The following LZIC variants were observed in gnomAD, a reference collection of about 807,000 sequenced individuals.
The protein encoded by LZIC is leucine zipper and CTNNBIP1 domain containing, also known as protein LZIC.
Under a neutral mutation model 25.4 loss-of-function variants are expected in LZIC, and 28 were observed. The ratio of observed to expected loss-of-function variants is 1.10; its 90% CI spans 0.82 to 1.51. The LOEUF is 1.51. Ranked by LOEUF, LZIC falls within the 40% of genes most tolerant of loss-of-function variation. The pLI, the probability that LZIC is intolerant of heterozygous loss-of-function variation, is 0.00. For missense variants in LZIC, 170 were observed against 211.1 expected (o/e 0.81, Z 1.21); for synonymous variants, 65 against 70.7 (o/e 0.92, Z 0.40).
rs932559508 is a variant in LZIC at position 9,928,441 on chromosome 1, T to C, written c.*1958A>G. ...ACACAAATGTTCACTGAAGCATTAT[T>C]CACAATAGCCAAAAGAAGGAAACAA... is the stretch of plus-strand genomic sequence containing the variant. On this transcript the variant is annotated 3_prime_UTR_variant, in exon 8 of 8. Transcript: ENST00000377223. Among the ~76,000 whole-genome samples the C allele has an allele frequency of 6.6e-6, 1 of 152,078 alleles. No individual in the cohort carries two copies. The highest frequency in any genetic ancestry group is 2.4e-5 in the African/African-American group (1 of 41,398).
intron 5 of LZIC, 64 bp downstream of exon 5, chr1:9,934,698 C>A: frequency 7.2e-7 from 1 of 1,385,516 alleles, no homozygotes; most frequent in South Asian, 1.2e-5. Context: ...CATAGGATAT[C>A]ATAATGAATT....
At chr1:9,930,601 T>TG in intron 7 of LZIC, 144 bp from the exon 8 acceptor site, 3 of 1,112,662 alleles carry the variant, frequency 2.7e-6, no homozygotes, top group South Asian at 1.7e-5. Flanking sequence ...CCCCTACACG[T>TG]TCCCATTGCC....
In LZIC at chr1:9,926,744, A is replaced by G. The variant is rs978210374; in HGVS notation, c.*3655T>C. ...CCTTTCACCAAAATATTAGCCTGAC[A>G]CAAGAATGTTGAAAGGTTAGCTGCC... On this transcript the variant is annotated 3_prime_UTR_variant, in exon 8 of 8. Transcript: ENST00000377223. 6.6e-6 allele frequency among the ~76,000 whole-genome samples: 1 copy of G among 152,202 alleles called. No homozygotes were observed. The highest frequency in any genetic ancestry group is 1.5e-5 in the Non-Finnish European group (1 of 68,040).
intron 7 of LZIC, among the ~76,000 whole-genome samples, chr1:9,931,233 A>AT (rs554286240): frequency 4.0e-5 from 6 of 150,866 alleles, no homozygotes; most frequent in Admixed American, 2.6e-4. Context: ...CACCTAGCTA[A>AT]TTTTTTTTCT....
chr1:9,943,055 A>G (rs1557449769), intron 1 of LZIC, 194 bp downstream of exon 1: 2 of 279,236 alleles, frequency 7.2e-6, no homozygotes, highest in Non-Finnish European at 1.5e-5. Context: ...CTCTTCCTTG[A>G]AAGTGAGGAG....
rs887604354 is a variant in LZIC, at chr1:9,927,602, T to C, written c.*2797A>G. On this transcript the variant is annotated 3_prime_UTR_variant, in exon 8 of 8. Coordinates refer to ENST00000377223, the MANE Select transcript of LZIC (RefSeq NM_032368.5). Reference sequence around the variant, plus strand: ...ATGCGTGAGCCACTGTGCCAGGCATTAGGTCCCTTTCAAATTCAAGATATT... The same window carrying C: ...ATGCGTGAGCCACTGTGCCAGGCATCAGGTCCCTTTCAAATTCAAGATATT... 4.6e-5 allele frequency among the ~76,000 whole-genome samples: 7 copies of C among 151,490 alleles called. No homozygotes were observed. The highest frequency in any genetic ancestry group is 1.7e-4 in the African/African-American group (7 of 41,236).
rs929231386 is a variant in LZIC, at chr1:9,934,752, G to C, written c.336+10C>G. The C allele has an allele frequency of 1.2e-6, 2 of 1,608,528 alleles. No homozygotes were observed. The highest frequency in any genetic ancestry group is 3.3e-5 in the Admixed American group (2 of 59,866). On this transcript the variant is annotated intron_variant, in intron 5 of 7. Coordinates refer to ENST00000377223, the MANE Select transcript of LZIC (RefSeq NM_032368.5). ...CACACAGCAACCAAATCAATTTAAA[G>C]AAATTTTACCTCTGCTAACCTTGTC...
At chr1:9,932,667 G>A (rs1189034586) in intron 6 of LZIC, 136 bp downstream of exon 6, 3 of 510,366 alleles carry the variant, frequency 5.9e-6, no homozygotes, top group East Asian at 3.4e-5. Flanking sequence ...TGGGCAACAA[G>A]AGCGGAACTC....
At chr1:9,934,236 A>G (rs985844882) in intron 5 of LZIC, among the ~76,000 whole-genome samples, 2 of 151,990 alleles carry the variant, frequency 1.3e-5, no homozygotes, top group Admixed American at 6.6e-5. Flanking sequence ...TCAAAAAAAA[A>G]AAAAAACATA....
chr1:9,929,421 CAG>C lies in LZIC; in HGVS notation c.*976_*977del. On this transcript the variant is annotated 3_prime_UTR_variant, in exon 8 of 8. Coordinates refer to ENST00000377223, the MANE Select transcript of LZIC (RefSeq NM_032368.5). ...GGACACATCTGCATATTTGAGCATA[CAG>C]AGACATGTAAATACTCAGGAGAGAA... 1.0e-6 allele frequency: 1 copy of C among 985,386 alleles called. No homozygotes were observed. Among genetic ancestry groups the C allele is most frequent in the East Asian group, 1.1e-4 (1 of 8,822 alleles). 61.0% of individuals were successfully genotyped at this position (985,386 alleles called of 1,614,324 possible). A position where few individuals can be genotyped will look rare whatever the true frequency, so the allele number is the denominator to read the frequency against.
In LZIC at chr1:9,942,715, G is replaced by A. The variant is rs907527181; in HGVS notation, c.-100C>T. 7.8e-6 allele frequency: 10 copies of A among 1,288,650 alleles called. No individual in the cohort carries two copies. Among genetic ancestry groups the A allele is most frequent in the African/African-American group, 4.6e-5 (3 of 65,848 alleles). 79.8% of individuals were successfully genotyped at this position (1,288,650 alleles called of 1,614,324 possible). A position where few individuals can be genotyped will look rare whatever the true frequency, so the allele number is the denominator to read the frequency against. Reference sequence around the variant, plus strand: ...TTGACGTTCCGAGTGTCATAAACTTGAGGAAAATGAAATTATTCATCAGGA... The same window carrying A: ...TTGACGTTCCGAGTGTCATAAACTTAAGGAAAATGAAATTATTCATCAGGA... On this transcript the variant is annotated 5_prime_UTR_variant, in exon 2 of 8. Transcript: ENST00000377223.
chr1:9,930,297 A>C lies in LZIC; in HGVS notation c.*102T>G. On this transcript the variant is annotated 3_prime_UTR_variant, in exon 8 of 8. Coordinates refer to ENST00000377223, the MANE Select transcript of LZIC (RefSeq NM_032368.5). ...TCGCTTTTTCTTAGGTTATTGATGC[A>C]TTTCCAGAATCTCTTCATTTCTTTG... is the stretch of plus-strand genomic sequence containing the variant. 2 of 1,560,304 alleles carry C rather than the reference A, an allele frequency of 1.3e-6. No homozygotes were observed. Among genetic ancestry groups the C allele is most frequent in the Non-Finnish European group, 1.7e-6 (2 of 1,156,696 alleles).
intron 3 of LZIC, 81 bp downstream of exon 3, chr1:9,936,438 C>T: frequency 1.2e-6 from 1 of 846,136 alleles, no homozygotes; most frequent in Non-Finnish European, 2.0e-6. Flanking sequence ...GCAGAATCAT[C>T]ACACATGGGC....
rs866608629 is a variant in LZIC, at chr1:9,934,764, CT to C, written c.333del (p.Glu112ArgfsTer6). 6.2e-7 allele frequency: 1 copy of C among 1,613,208 alleles called. No homozygotes were observed. Among genetic ancestry groups the C allele is most frequent in the Non-Finnish European group, 8.5e-7 (1 of 1,179,324 alleles). ...KQPGQLRTRL[A>X]EMDRDLMVGK... Reference sequence around the variant, plus strand: ...AAATCAATTTAAAGAAATTTTACCTCTGCTAACCTTGTCCGAAGCTGACCTG... The same window carrying C: ...AAATCAATTTAAAGAAATTTTACCTCGCTAACCTTGTCCGAAGCTGACCTG... On this transcript the variant is annotated frameshift_variant, in exon 5 of 8. Coordinates refer to ENST00000377223, the MANE Select transcript of LZIC (RefSeq NM_032368.5). LOFTEE classifies it high-confidence loss of function.
downstream of LZIC, among the ~76,000 whole-genome samples, chr1:9,925,403 T>C (rs1021036823): frequency 6.6e-6 from 1 of 152,188 alleles, no homozygotes; most frequent in Non-Finnish European, 1.5e-5. Flanking sequence ...ATGGCTCTCC[T>C]TGACTTCTTT....
Position 9,930,405 on chromosome 1 carries a change from TTTTG to T in LZIC, c.563_566del (p.Thr188LysfsTer17), listed in dbSNP as rs1570628772. On this transcript the variant is annotated frameshift_variant, in exon 8 of 8. Coordinates refer to ENST00000377223, the MANE Select transcript of LZIC (RefSeq NM_032368.5). LOFTEE classifies it high-confidence loss of function. ...TACAAGCTTCTGCACCATGTCATTT[TTTTG>T]TTTTTTCAACCTCAAAACTTGCCAG... The T allele has an allele frequency of 1.2e-6, 2 of 1,613,904 alleles. No individual in the cohort carries two copies. Among genetic ancestry groups the T allele is most frequent in the East Asian group, 4.5e-5 (2 of 44,854 alleles).
downstream of LZIC, among the ~76,000 whole-genome samples, chr1:9,923,632 T>G (rs1423162100): frequency 6.6e-6 from 1 of 150,450 alleles, no homozygotes; most frequent in Non-Finnish European, 1.5e-5. Flanking sequence ...CCAAGTATAG[T>G]ATAGAATTTT....
intron 2 of LZIC, among the ~76,000 whole-genome samples, chr1:9,938,798 C>T (rs1640567173): frequency 6.6e-6 from 1 of 152,072 alleles, no homozygotes; most frequent in Admixed American, 6.6e-5. Flanking sequence ...GAAGGCAGGC[C>T]CTAACCATCT....
rs777790856 is a variant in LZIC at position 9,935,607 on chromosome 1, T to A, written c.122A>T (p.Glu41Val). ...AGTTTCCTTTTTGGTTTCTTCATAT[T>A]CATCTGTATCAAGTTCCTCTCTGAA... ...EECREELDTDEYEETKKETLE... is the reference protein window; with the variant it reads ...EECREELDTDVYEETKKETLE... Residue 41 changes from glutamate (E) to valine (V), a missense_variant, in exon 4 of 8, where the codon GAA (glutamate) becomes GTA (valine). Physicochemically the swap from Glu to Val is moderately radical, Grantham distance 121. Transcript: ENST00000377223. The A allele has an allele frequency of 3.1e-6, 5 of 1,607,380 alleles. No individual in the cohort carries two copies. The highest frequency in any genetic ancestry group is 4.2e-6 in the Non-Finnish European group (5 of 1,178,434).
Sources: allele counts gnomAD v4.1 joint callset (sites outside exome capture counted in the v4.1 genomes callset), GRCh38; gene constraint gnomAD v4.1.1; transcripts MANE v1.5; gene names NCBI Gene and HGNC (gene_info 2026-07-23, HGNC 2026-07-21).